KAZN: variants seen among roughly 807,000 people sequenced by gnomAD.
KAZN encodes kazrin.
A neutral mutation model predicts 87.4 loss-of-function variants in KAZN; 40 were observed. The observed-to-expected ratio is 0.46, with a 90% CI of 0.36 to 0.60. The LOEUF is 0.60. Among genes scored for constraint, KAZN ranks in the 20% least tolerant of loss-of-function variants. The pLI is 0.00. For missense variants in KAZN, 898 were observed against 1,073.9 expected (o/e 0.84, Z 2.29); for synonymous variants, 466 against 458.3 (o/e 1.02, Z -0.22).
chr1:14,249,477 T>C (rs1649812283), intron 2 of KAZN, among the ~76,000 whole-genome samples: 3 of 152,338 alleles, frequency 2.0e-5, no homozygotes, highest in African/African-American at 4.8e-5. Flanking sequence ...GGTGTGAATC[T>C]AGTACTACAA....
intron 1 of KAZN, among the ~76,000 whole-genome samples, chr1:13,946,020 C>G (rs988136553): frequency 2.0e-5 from 3 of 152,214 alleles, no homozygotes; most frequent in African/African-American, 4.8e-5. Flanking sequence ...AGTGGTTAGA[C>G]AATCTGGGCT....
intron 1 of KAZN, among the ~76,000 whole-genome samples, chr1:14,801,783 A>T (rs1392416001): frequency 1.3e-5 from 2 of 150,714 alleles, no homozygotes; most frequent in African/African-American, 2.4e-5. Flanking sequence ...TCCCGGGTTC[A>T]TGCCATTCTC....
At chr1:14,365,647 C>T (rs527260002) in intron 2 of KAZN, among the ~76,000 whole-genome samples, 188 of 152,222 alleles carry the variant, frequency 1.2e-3, no homozygotes, top group African/African-American at 4.1e-3. Context: ...TGTTTAGCAG[C>T]GTCCCCAGCC....
chr1:14,435,310 G>A (rs1164788076), intron 2 of KAZN, among the ~76,000 whole-genome samples: 3 of 152,264 alleles, frequency 2.0e-5, no homozygotes, highest in South Asian at 2.1e-4. Context: ...TCTGGCACTC[G>A]CTAATGATGA....
intron 2 of KAZN, among the ~76,000 whole-genome samples, chr1:14,283,686 T>C (rs906288969): frequency 3.3e-5 from 5 of 152,174 alleles, no homozygotes; most frequent in South Asian, 4.1e-4. Flanking sequence ...GCCAGTCCCT[T>C]GAAAGGTTAA....
intron 2 of KAZN, among the ~76,000 whole-genome samples, chr1:14,234,162 A>G (rs1274676681): frequency 1.3e-5 from 2 of 152,218 alleles, no homozygotes; most frequent in Admixed American, 6.5e-5. Context: ...ATGCCCATCA[A>G]TGATAGACTG....
At chr1:14,373,619 C>T (rs1471437049) in intron 2 of KAZN, among the ~76,000 whole-genome samples, 1 of 152,148 alleles carries the variant, frequency 6.6e-6, no homozygotes, top group Non-Finnish European at 1.5e-5. Flanking sequence ...TCCAGGCAGC[C>T]CATGGCCCAG....
rs537581469 is a variant in KAZN at position 14,089,896 on chromosome 1, C to T, written c.92-90539C>T. 5.9e-5 allele frequency among the ~76,000 whole-genome samples: 9 copies of T among 152,200 alleles called. No homozygotes were observed. The South Asian group carries it at 1.9e-3, about 32-fold the overall frequency. On this transcript the variant is annotated intron_variant, in intron 1 of 16. Transcript: ENST00000636203. ...CATTATTTAAAAAATATTTTTAGCT[C>T]ACTATAGAATTTCTTTTGTATTTTA...
chr1:14,762,600 C>A (rs1644771035), intron 1 of KAZN, among the ~76,000 whole-genome samples: 1 of 152,088 alleles, frequency 6.6e-6, no homozygotes, highest in Non-Finnish European at 1.5e-5. Context: ...TGGCAGGCGC[C>A]TGTAGTCCCA....
chr1:13,965,648 C>T (rs963917845), intron 1 of KAZN, among the ~76,000 whole-genome samples: 1 of 152,176 alleles, frequency 6.6e-6, no homozygotes, highest in African/African-American at 2.4e-5. Flanking sequence ...ATAGTCCCAA[C>T]TCTCAGCATC....
At chr1:14,534,461 A>G (rs1672373340) in intron 2 of KAZN, among the ~76,000 whole-genome samples, 1 of 152,142 alleles carries the variant, frequency 6.6e-6, no homozygotes, top group African/African-American at 2.4e-5. Context: ...CCTGGCCAAC[A>G]TGGCGAAACC....
chr1:14,810,387 G>A (rs1269795518), intron 1 of KAZN, among the ~76,000 whole-genome samples: 1 of 152,044 alleles, frequency 6.6e-6, no homozygotes, highest in African/African-American at 2.4e-5. Flanking sequence ...CTGATTTTCT[G>A]CTCAGGGGCC....
At chr1:14,991,241 A>C (rs139594856) in intron 2 of KAZN, among the ~76,000 whole-genome samples, 1,748 of 152,090 alleles carry the variant, frequency 0.011, 32 homozygotes, top group African/African-American at 0.04. Context: ...GTAATCCCAG[A>C]TACTCGGGGA....
At chr1:15,038,658 AACT>A (rs1327886880) in intron 3 of KAZN, among the ~76,000 whole-genome samples, 1 of 152,224 alleles carries the variant, frequency 6.6e-6, no homozygotes, top group Non-Finnish European at 1.5e-5. Context: ...TTTATTGTGC[AACT>A]ACTGTTTAAG....
In KAZN at chr1:14,353,519, G is replaced by A. The variant is rs374404321; in HGVS notation, c.249+172927G>A. ...CAGGCGTGAGCCACCGCGCCCGGCCGACGTCACTTTCTATGTAGAAAACTT... is the reference window on the plus strand; with the variant it reads ...CAGGCGTGAGCCACCGCGCCCGGCCAACGTCACTTTCTATGTAGAAAACTT... On this transcript the variant is annotated intron_variant, in intron 2 of 16. Transcript: ENST00000636203. Among the ~76,000 whole-genome samples the A allele has an allele frequency of 3.6e-4, 55 of 152,166 alleles. 1 individual carries two copies. The highest frequency in any genetic ancestry group is 1.1e-3 in the African/African-American group (46 of 41,530).
At chr1:15,032,124 C>T (rs866632575) in intron 2 of KAZN, among the ~76,000 whole-genome samples, 1 of 151,810 alleles carries the variant, frequency 6.6e-6, no homozygotes, top group South Asian at 2.1e-4. Context: ...ACACCCAGCC[C>T]GAGGCAGACG....
chr1:13,987,226 A>C (rs903818701), intron 1 of KAZN, among the ~76,000 whole-genome samples: 2 of 152,090 alleles, frequency 1.3e-5, no homozygotes, highest in African/African-American at 4.8e-5. Flanking sequence ...ATAGGTATAC[A>C]TGTGCCATGG....
Position 14,764,779 on chromosome 1 carries a change from C to A in KAZN, c.226+165556C>A, listed in dbSNP as rs118113621. Reference sequence around the variant, plus strand: ...GCACCAGGCTGGGTATAGAAACAGGCAGAGGCCAGAGGGAAGGATTCTAGT... The same window carrying A: ...GCACCAGGCTGGGTATAGAAACAGGAAGAGGCCAGAGGGAAGGATTCTAGT... On this transcript the variant is annotated intron_variant, in intron 1 of 14. Transcript: ENST00000376030. Among the ~76,000 whole-genome samples the A allele has an allele frequency of 1.3e-4, 20 of 152,264 alleles. No homozygotes were observed. In the East Asian group the frequency reaches 3.7e-3, roughly 28 times the overall value.
chr1:14,328,738 A>T lies in KAZN; in HGVS notation c.249+148146A>T, dbSNP rs76706110. On this transcript the variant is annotated intron_variant, in intron 2 of 16. Coordinates refer to the KAZN transcript ENST00000636203. Reference sequence around the variant, plus strand: ...AAACTCTAAGAATACTTAAGAAGACATCCCTAACTGAAAAAAAAAAAAAAA... The same window carrying T: ...AAACTCTAAGAATACTTAAGAAGACTTCCCTAACTGAAAAAAAAAAAAAAA... Among the ~76,000 whole-genome samples the T allele has an allele frequency of 6.1e-3, 794 of 129,884 alleles. 27 individuals carry two copies. The East Asian group carries it at 0.11, about 18-fold the overall frequency. The allele number at this position is 129,884 out of a possible 152,430, so 85.2% of individuals were successfully genotyped here. A position where few individuals can be genotyped will look rare whatever the true frequency, so the allele number is the denominator to read the frequency against.
Sources: allele counts gnomAD v4.1 joint callset (sites outside exome capture counted in the v4.1 genomes callset), GRCh38; gene constraint gnomAD v4.1.1; transcripts MANE v1.5; gene names NCBI Gene and HGNC (gene_info 2026-07-23, HGNC 2026-07-21).